Variants in KIF26B observed in about 807,000 individuals in gnomAD.
The protein encoded by KIF26B is kinesin family member 26B, also known as kinesin-like protein KIF26B.
KIF26B carries 63 observed loss-of-function variants against 151.2 expected under a neutral mutation model. The ratio of observed to expected loss-of-function variants is 0.42; its 90% confidence interval spans 0.34 to 0.51. The LOEUF (loss-of-function observed/expected upper bound fraction) is 0.51, where lower values mean the gene tolerates loss of function less well. Ranked by LOEUF, KIF26B falls within the 20% of genes least tolerant of loss-of-function variation. The pLI is 0.07. For missense variants in KIF26B, 2,813 were observed against 2,913.6 expected (o/e 0.97, Z 0.79); for synonymous variants, 1,357 against 1,262.1 (o/e 1.08, Z -1.59).
chr1:245,636,860 TTGTGTG>T (rs34722448), intron 9 of KIF26B, among the ~76,000 whole-genome samples: 2,248 of 149,286 alleles, frequency 0.015, 71 homozygotes, highest in African/African-American at 0.052. Context: ...TAATATTCCA[TTGTGTG>T]TGTGTGTGTG....
intron 5 of KIF26B, among the ~76,000 whole-genome samples, chr1:245,559,183 G>A (rs1456861063): frequency 6.6e-6 from 1 of 152,108 alleles, no homozygotes. Flanking sequence ...CATCTCTACA[G>A]AAATTTAAAA....
At position 245,568,184 on chromosome 1, in the gene KIF26B, C is replaced by CA. The variant is rs61494632; in HGVS notation, c.1350+27264dup. Among the ~76,000 whole-genome samples the CA allele has an allele frequency of 2.1e-3, 60 of 28,704 alleles. 3 individuals carry two copies. Among genetic ancestry groups the CA allele is most frequent in the Admixed American group, 3.1e-3 (4 of 1,294 alleles). 18.8% of individuals were successfully genotyped at this position (28,704 alleles called of 152,430 possible). A position where few individuals can be genotyped will look rare whatever the true frequency, so the allele number is the denominator to read the frequency against. On this transcript the variant is annotated intron_variant, in intron 5 of 14. Coordinates refer to ENST00000407071, the MANE Select transcript of KIF26B (RefSeq NM_018012.4). ...TGGGCAACAGAGTGAAACTCCATCT[C>CA]AAAAAAAAAAAAAAAAAAAAAAAAA...
chr1:245,617,091 T>C (rs2103159105), intron 9 of KIF26B, among the ~76,000 whole-genome samples: 1 of 151,266 alleles, frequency 6.6e-6, no homozygotes, highest in South Asian at 2.1e-4. Flanking sequence ...TTTTTTTGTT[T>C]GTTTGTTTGT....
chr1:245,563,657 T>G lies in KIF26B; in HGVS notation c.1350+22707T>G, dbSNP rs113603423. On this transcript the variant is annotated intron_variant, in intron 5 of 14. Transcript: ENST00000407071. This position sits in a 1 kb window ranked among gnomAD's most constrained non-coding sequence, Gnocchi z 4.6. ...GCTTGAGACTGTGGGAACGATGTTT[T>G]CGTTAAGAATGGACTGCCTGTATAA... Among the ~76,000 whole-genome samples, 1,835 of 152,320 alleles carry G rather than the reference T, an allele frequency of 0.012. 21 individuals carry two copies. The highest frequency in any genetic ancestry group is 0.034 in the African/African-American group (1,417 of 41,566).
Position 245,156,311 on chromosome 1 carries a change from C to G in KIF26B, c.93C>G (p.Pro31=). ...ATGAAGTCTGCTCGCCCACCAAGCC[C>G]GCAGCGCCCTTCTCCCCGGAAAGCT... The part of the protein sequence containing the change: ...GVNEVCSPTK[P]AAPFSPESWY... Residue 31 remains proline, a synonymous_variant, in exon 2 of 15, where the codon CCC becomes CCG. Coordinates refer to ENST00000407071, the MANE Select transcript of KIF26B (RefSeq NM_018012.4). The G allele has an allele frequency of 6.5e-7, 1 of 1,547,604 alleles. No homozygotes were observed. The highest frequency in any genetic ancestry group is 1.2e-5 in the South Asian group (1 of 84,034).
intron 9 of KIF26B, among the ~76,000 whole-genome samples, chr1:245,618,475 G>A (rs1310786226): frequency 9.3e-5 from 14 of 151,144 alleles, no homozygotes; most frequent in Admixed American, 9.2e-4. Flanking sequence ...CACAGTGCTG[G>A]GGCTGTGTCC....
At chr1:245,440,668 T>C (rs482041) in intron 4 of KIF26B, among the ~76,000 whole-genome samples, 133,942 of 152,290 alleles carry the variant, frequency 0.88, 59,022 homozygotes, top group East Asian at 1. Context: ...CCACAGGACT[T>C]CTGTCCAATA....
chr1:245,438,566 C>T (rs1202246038), intron 4 of KIF26B, among the ~76,000 whole-genome samples: 3 of 152,048 alleles, frequency 2.0e-5, no homozygotes, highest in Admixed American at 6.6e-5. Flanking sequence ...GAAACGAAGG[C>T]GTTTGTTCAC....
At chr1:245,651,746 C>T (rs1368369617) in intron 10 of KIF26B, among the ~76,000 whole-genome samples, 3 of 152,152 alleles carry the variant, frequency 2.0e-5, no homozygotes, top group Non-Finnish European at 2.9e-5. Flanking sequence ...CTATTGTGAA[C>T]TGTGTGTGCG....
chr1:245,555,052 G>A (rs772314689), intron 5 of KIF26B, among the ~76,000 whole-genome samples: 3 of 152,176 alleles, frequency 2.0e-5, no homozygotes, highest in Non-Finnish European at 4.4e-5. Context: ...CAACACCTGG[G>A]CGTTCTTTGT....
chr1:245,507,869 C>G (rs761331790), intron 4 of KIF26B, among the ~76,000 whole-genome samples: 1 of 152,150 alleles, frequency 6.6e-6, no homozygotes, highest in Non-Finnish European at 1.5e-5. Flanking sequence ...TGGCTTTCTC[C>G]TGTGTTTCAA....
chr1:245,477,073 A>G (rs1009281017), intron 4 of KIF26B, among the ~76,000 whole-genome samples: 4 of 151,808 alleles, frequency 2.6e-5, no homozygotes, highest in Admixed American at 1.3e-4. Flanking sequence ...TTCTGGCAAA[A>G]TAAAGACTTT....
intron 5 of KIF26B, among the ~76,000 whole-genome samples, chr1:245,595,075 G>A (rs886409614): frequency 2.0e-5 from 3 of 152,144 alleles, no homozygotes; most frequent in African/African-American, 4.8e-5. Context: ...CTGAGACGAC[G>A]GGGTTTTCTA....
intron 5 of KIF26B, among the ~76,000 whole-genome samples, chr1:245,593,533 G>T (rs963771895): frequency 3.9e-5 from 6 of 152,158 alleles, no homozygotes; most frequent in Non-Finnish European, 8.8e-5. Flanking sequence ...AGTATTCCAT[G>T]GTGTATATGT....
At chr1:245,554,396 A>C (rs1621632) in intron 5 of KIF26B, among the ~76,000 whole-genome samples, 1 of 152,214 alleles carries the variant, frequency 6.6e-6, no homozygotes, top group Admixed American at 6.5e-5. Flanking sequence ...TCATTTACCC[A>C]TCACCTCTTA....
intron 9 of KIF26B, among the ~76,000 whole-genome samples, chr1:245,620,713 A>AT (rs1485086658): frequency 2.0e-5 from 3 of 152,100 alleles, no homozygotes; most frequent in Admixed American, 6.6e-5. Context: ...AAAAATCCTC[A>AT]TTTTTTATCA....
chr1:245,463,639 G>A (rs1036848396), intron 4 of KIF26B, among the ~76,000 whole-genome samples: 11 of 152,160 alleles, frequency 7.2e-5, no homozygotes, highest in East Asian at 1.9e-4. Flanking sequence ...CTTGTCCCAC[G>A]ACTGGTGAGT....
At chr1:245,696,499 A>G (rs1277734654) in intron 12 of KIF26B, among the ~76,000 whole-genome samples, 1 of 151,928 alleles carries the variant, frequency 6.6e-6, no homozygotes, top group Non-Finnish European at 1.5e-5. Context: ...GATATGTGAG[A>G]TCAATGTTTG....
chr1:245,486,445 C>T (rs1660282684), intron 4 of KIF26B, among the ~76,000 whole-genome samples: 3 of 151,964 alleles, frequency 2.0e-5, no homozygotes, highest in Admixed American at 2.0e-4. Flanking sequence ...TAAATGGTTT[C>T]TATAGAGAGC....
Sources: allele counts gnomAD v4.1 joint callset (sites outside exome capture counted in the v4.1 genomes callset), GRCh38; gene constraint gnomAD v4.1.1; non-coding constraint Gnocchi (gnomAD v3.1); transcripts MANE v1.5; gene names NCBI Gene and HGNC (gene_info 2026-07-23, HGNC 2026-07-21).